Variants in RBFOX1 observed in about 807,000 individuals in gnomAD.
The protein encoded by RBFOX1 is RNA binding protein fox-1 homolog 1.
RBFOX1 carries 8 observed loss-of-function variants against 57.7 expected under a neutral mutation model. The observed-to-expected ratio is 0.14, with a 90% CI of 0.08 to 0.25. The LOEUF is 0.25. Ranked by LOEUF, RBFOX1 falls within the 10% of genes least tolerant of loss-of-function variation. RBFOX1 has a pLI of 1.00. For synonymous variants in RBFOX1, 326 were observed against 222.4 expected (o/e 1.47, Z -4.15); for missense variants, 611 against 548.5 (o/e 1.11, Z -1.14).
chr16:7,477,642 T>C (rs77886365), intron 4 of RBFOX1, among the ~76,000 whole-genome samples: 1,607 of 152,292 alleles, frequency 0.011, 22 homozygotes, highest in African/African-American at 0.036. Context: ...CTTATTACGA[T>C]GGTAGTAACT....
intron 2 of RBFOX1, among the ~76,000 whole-genome samples, chr16:5,580,500 G>A (rs2046628910): frequency 6.6e-6 from 1 of 152,218 alleles, no homozygotes; most frequent in Non-Finnish European, 1.5e-5. Context: ...CTGCTGCCAG[G>A]CGGCCAGCTG....
chr16:5,884,395 C>T (rs1314986172), intron 4 of RBFOX1, among the ~76,000 whole-genome samples: 1 of 152,042 alleles, frequency 6.6e-6, no homozygotes, highest in Non-Finnish European at 1.5e-5. Context: ...TGCCTGGTGC[C>T]TATGGTAGAG....
At chr16:6,176,978 A>G (rs2097016228) in intron 1 of RBFOX1, among the ~76,000 whole-genome samples, 2 of 152,190 alleles carry the variant, frequency 1.3e-5, no homozygotes, top group Admixed American at 1.3e-4. Flanking sequence ...TTGGCGTTGA[A>G]TAAATGGATG....
intron 1 of RBFOX1, among the ~76,000 whole-genome samples, chr16:6,301,280 C>T (rs1163707632): frequency 2.0e-5 from 3 of 152,152 alleles, no homozygotes; most frequent in African/African-American, 7.2e-5. Flanking sequence ...ATGGGTGTCA[C>T]ATGCCAAAGA....
chr16:5,249,996 G>C lies in RBFOX1; in HGVS notation c.219+9891G>C, dbSNP rs139154626. 1.7e-3 allele frequency among the ~76,000 whole-genome samples: 263 copies of C among 151,504 alleles called. 1 individual carries two copies. Among genetic ancestry groups the C allele is most frequent in the African/African-American group, 6.1e-3 (251 of 41,312 alleles). ...GAGGAGCAGATTGCAGTGAGGAGGA[G>C]GTTGCAGTGAGGAGGAGGTTGCAGT... On this transcript the variant is annotated intron_variant, in intron 1 of 2. Coordinates refer to the RBFOX1 transcript ENST00000585867.
intron 4 of RBFOX1, among the ~76,000 whole-genome samples, chr16:5,941,287 C>G (rs1405661015): frequency 6.6e-6 from 1 of 151,794 alleles, no homozygotes; most frequent in South Asian, 2.1e-4. Context: ...GCCAGGAGTT[C>G]AAGACCAGCC....
exon 3 of RBFOX1, chr16:5,599,226 G>A (rs567611233): frequency 1.4e-6 from 1 of 692,488 alleles, no homozygotes; most frequent in Admixed American, 2.0e-5. Context: ...TTGGTGGACA[G>A]ATCCGGGGCA....
intron 1 of RBFOX1, among the ~76,000 whole-genome samples, chr16:6,137,306 T>C (rs117718834): frequency 0.013 from 2,037 of 152,256 alleles, 26 homozygotes; most frequent in Non-Finnish European, 0.024. Context: ...CACAGCATTT[T>C]TGTTTGTTTT....
chr16:5,506,297 A>G (rs2043375512), intron 2 of RBFOX1, among the ~76,000 whole-genome samples: 1 of 152,206 alleles, frequency 6.6e-6, no homozygotes, highest in Non-Finnish European at 1.5e-5. Flanking sequence ...GATGCTTGGC[A>G]GCCTGCAGGC....
At chr16:5,597,291 C>T (rs1423474311) in intron 2 of RBFOX1, among the ~76,000 whole-genome samples, 2 of 146,390 alleles carry the variant, frequency 1.4e-5, no homozygotes, top group Non-Finnish European at 3.0e-5. Context: ...CTCTCCGTTG[C>T]TCTCCCGCCC....
intron 1 of RBFOX1, among the ~76,000 whole-genome samples, chr16:5,414,257 A>G (rs1448384987): frequency 6.6e-6 from 1 of 152,132 alleles, no homozygotes; most frequent in Non-Finnish European, 1.5e-5. Context: ...GTGTTGTTGT[A>G]AAGGAGTCTG....
chr16:6,542,992 T>A (rs1051861344), intron 2 of RBFOX1, among the ~76,000 whole-genome samples: 1 of 152,152 alleles, frequency 6.6e-6, no homozygotes, highest in African/African-American at 2.4e-5. Context: ...CTACTCTTTA[T>A]CATTCCTCCT....
intron 1 of RBFOX1, among the ~76,000 whole-genome samples, chr16:6,048,561 C>T (rs1431465870): frequency 6.6e-6 from 1 of 152,170 alleles, no homozygotes; most frequent in African/African-American, 2.4e-5. Flanking sequence ...CATTAAAACA[C>T]CACAAATAAC....
intron 1 of RBFOX1, among the ~76,000 whole-genome samples, chr16:6,251,433 G>A (rs977724056): frequency 6.6e-6 from 1 of 152,110 alleles, no homozygotes; most frequent in Non-Finnish European, 1.5e-5. Flanking sequence ...ACTGAACTAA[G>A]GTCCTTAGGT....
At chr16:7,458,148 C>T (rs1214895448) in intron 4 of RBFOX1, among the ~76,000 whole-genome samples, 3 of 152,290 alleles carry the variant, frequency 2.0e-5, no homozygotes, top group Admixed American at 2.0e-4. Context: ...GACATTTTCT[C>T]ATGGTGTGCA....
intron 3 of RBFOX1, among the ~76,000 whole-genome samples, chr16:6,786,283 G>C (rs2081947206): frequency 6.6e-6 from 1 of 152,106 alleles, no homozygotes; most frequent in Non-Finnish European, 1.5e-5. Flanking sequence ...TTTTGGCTCT[G>C]AGATCTCTTA....
chr16:6,168,910 C>T (rs1598005237), intron 1 of RBFOX1, among the ~76,000 whole-genome samples: 1 of 151,860 alleles, frequency 6.6e-6, no homozygotes. Flanking sequence ...TGAGGCATCC[C>T]AGCAGGGAGT....
intron 1 of RBFOX1, among the ~76,000 whole-genome samples, chr16:6,080,497 G>A (rs979024355): frequency 6.6e-6 from 1 of 152,162 alleles, no homozygotes; most frequent in Non-Finnish European, 1.5e-5. Context: ...GGAGCCTCAA[G>A]TCTGGAGGGG....
chr16:7,036,629 G>T (rs541556386), intron 3 of RBFOX1, among the ~76,000 whole-genome samples: 2 of 151,978 alleles, frequency 1.3e-5, no homozygotes, highest in East Asian at 1.9e-4. Flanking sequence ...TAAGGCGGAG[G>T]TTGCAGTGAA....
Sources: gnomAD v4.1 joint callset for allele counts (sites outside exome capture counted in the v4.1 genomes callset) on GRCh38, gnomAD v4.1.1 for gene constraint, MANE v1.5 for transcripts, NCBI Gene and HGNC (gene_info 2026-07-23, HGNC 2026-07-21) for gene names.